JAKMIP1: variants seen among roughly 807,000 people sequenced by gnomAD.
JAKMIP1 encodes janus kinase and microtubule-interacting protein 1.
A neutral mutation model predicts 113.0 loss-of-function variants in JAKMIP1; 33 were observed. The ratio of observed to expected loss-of-function variants is 0.29; its 90% CI spans 0.22 to 0.39. JAKMIP1 has a LOEUF of 0.39. JAKMIP1 is among the 10% of genes least tolerant of loss of function. The pLI, the probability that JAKMIP1 is intolerant of heterozygous loss-of-function variation, is 1.00. For missense variants in JAKMIP1, 813 were observed against 1,080.5 expected, an observed-to-expected ratio of 0.75 and a Z score of 3.47; for synonymous variants, 480 against 459.9, an observed-to-expected ratio of 1.04 and a Z score of -0.56.
In JAKMIP1 at chr4:6,148,510, G is replaced by GAC. The variant is rs544445590; in HGVS notation, c.-147-35514_-147-35513insGT. Among the ~76,000 whole-genome samples the GAC allele has an allele frequency of 4.4e-3, 676 of 152,356 alleles. 2 individuals carry two copies. The highest frequency in any genetic ancestry group is 0.015 in the African/African-American group (638 of 41,572). On this transcript the variant is annotated intron_variant, in intron 1 of 20. Transcript: ENST00000409021. ...GAATCGGAATGCTTTGTGTGGGCAC[G>GAC]GACTCTGCGCCGGGCGCATCCTCCT...
In JAKMIP1 at chr4:6,044,827, G is replaced by A. The variant is rs1328796073; in HGVS notation, c.2029-2600C>T. On this transcript the variant is annotated intron_variant, in intron 16 of 20. Transcript: ENST00000409021. This position sits in a 1 kb window ranked among gnomAD's most constrained non-coding sequence, Gnocchi z 4.4. ...GCCATGAGGACCCCCGACCACGTGA[G>A]ATCAGAAATTTAATATCAAAGAGTT... is the stretch of plus-strand genomic sequence containing the variant. Among the ~76,000 whole-genome samples, 1 of 152,260 alleles carries A rather than the reference G, an allele frequency of 6.6e-6. No homozygotes were observed. Among genetic ancestry groups the A allele is most frequent in the Non-Finnish European group, 1.5e-5 (1 of 68,048 alleles).
intron 1 of JAKMIP1, among the ~76,000 whole-genome samples, chr4:6,171,747 CTCTCA>C (rs1489764572): frequency 2.6e-5 from 4 of 152,208 alleles, no homozygotes; most frequent in Non-Finnish European, 5.9e-5. Context: ...GACTGTGCTT[CTCTCA>C]TCTCAAATGC....
chr4:6,058,360 T>C (rs1022074422), intron 11 of JAKMIP1, among the ~76,000 whole-genome samples: 8 of 152,248 alleles, frequency 5.3e-5, no homozygotes, highest in Admixed American at 1.3e-4. Flanking sequence ...GCCCCTCCTA[T>C]GTAGCTGTTA....
chr4:6,132,117 T>C (rs1305758176), intron 1 of JAKMIP1, among the ~76,000 whole-genome samples: 1 of 152,116 alleles, frequency 6.6e-6, no homozygotes, highest in African/African-American at 2.4e-5. Context: ...ACAGCAACAG[T>C]GTAATTGATG....
chr4:6,060,643 C>T, intron 10 of JAKMIP1, 136 bp from the exon 11 acceptor site: 1 of 691,878 alleles, frequency 1.4e-6, no homozygotes. Context: ...CTTTTAGGAG[C>T]ACGTATTCAA....
chr4:6,032,258 C>T (rs1037271818), intron 19 of JAKMIP1, among the ~76,000 whole-genome samples: 3 of 152,180 alleles, frequency 2.0e-5, no homozygotes, highest in African/African-American at 7.2e-5. Context: ...TGAGAATCCC[C>T]CAGGAACAAC....
Position 6,026,279 on chromosome 4 carries a change from CTA to C in JAKMIP1, c.2446-3_2446-2del, listed in dbSNP as rs1298974243. 7.3e-7 allele frequency: 1 copy of C among 1,361,310 alleles called. No homozygotes were observed. Among genetic ancestry groups the C allele is most frequent in the Non-Finnish European group, 1.0e-6 (1 of 979,106 alleles). 84.3% of individuals were successfully genotyped at this position (1,361,310 alleles called of 1,614,324 possible). ...AGAAAAACAAAAAAAGGAACAAAAA[CTA>C]TAAAATAATACCAAAAGAAAATGAG... On this transcript the variant is annotated splice_acceptor_variant and splice_polypyrimidine_tract_variant and intron_variant, in intron 20 of 20. Transcript: ENST00000409021. LOFTEE classifies it high-confidence loss of function.
At position 6,184,625 on chromosome 4, in the gene JAKMIP1, T is replaced by G. The variant is rs1384471658; in HGVS notation, c.-148+15628A>C. ...GAAACAAGGGTCCCCCGCGCTCACC[T>G]GTAGATTCAGCAAGAGAGCAGGGGT... On this transcript the variant is annotated intron_variant, in intron 1 of 20. Coordinates refer to ENST00000409021, the MANE Select transcript of JAKMIP1 (RefSeq NM_001099433.2). This position sits in a 1 kb window ranked among gnomAD's most constrained non-coding sequence, Gnocchi z 4.5. 6.6e-6 allele frequency among the ~76,000 whole-genome samples: 1 copy of G among 152,178 alleles called. No homozygotes were observed. The highest frequency in any genetic ancestry group is 1.5e-5 in the Non-Finnish European group (1 of 68,032).
intron 10 of JAKMIP1, 144 bp downstream of exon 10, chr4:6,062,168 C>T (rs962574435): frequency 9.7e-6 from 8 of 826,542 alleles, no homozygotes; most frequent in South Asian, 3.1e-5. Context: ...AATGTCACCA[C>T]AGCAGAGACC....
intron 2 of JAKMIP1, among the ~76,000 whole-genome samples, chr4:6,110,580 G>C (rs1714760180): frequency 6.8e-6 from 1 of 147,734 alleles, no homozygotes; most frequent in Non-Finnish European, 1.5e-5. Flanking sequence ...TAAAGCACCT[G>C]GTGCTATCTG....
At chr4:6,103,945 T>C (rs1184172544) in intron 3 of JAKMIP1, among the ~76,000 whole-genome samples, 1 of 152,218 alleles carries the variant, frequency 6.6e-6, no homozygotes, top group Non-Finnish European at 1.5e-5. Context: ...GTTGATTTTC[T>C]TTATTGATTT....
chr4:6,056,397 G>A lies in JAKMIP1; in HGVS notation c.1707+300C>T, dbSNP rs149341710. On this transcript the variant is annotated intron_variant, in intron 12 of 20. Transcript: ENST00000409021. The stretch of plus-strand genomic sequence containing the variant: ...AGGGTATCCCCAGAGGTTGGGGCCA[G>A]CCCTCCCCATTTCTGCAGAGTGGCC... Among the ~76,000 whole-genome samples the A allele has an allele frequency of 2.6e-5, 4 of 152,316 alleles. No homozygotes were observed. The East Asian group carries it at 7.7e-4, about 29-fold the overall frequency.
At chr4:6,030,874 G>A (rs888890799) in intron 19 of JAKMIP1, among the ~76,000 whole-genome samples, 1 of 152,194 alleles carries the variant, frequency 6.6e-6, no homozygotes, top group African/African-American at 2.4e-5. Context: ...TTCTGCCTCA[G>A]CCCAGCTGGG....
chr4:6,155,275 G>A lies in JAKMIP1; in HGVS notation c.-147-42278C>T, dbSNP rs914953184. On this transcript the variant is annotated intron_variant, in intron 1 of 20. Transcript: ENST00000409021. This position sits in a 1 kb window ranked among gnomAD's most constrained non-coding sequence, Gnocchi z 6.1. ...CAACATTCCCTCCTCTGCGCTCAAC[G>A]CCTTTTAATACCAGCAACCACCACT... 6.6e-5 allele frequency among the ~76,000 whole-genome samples: 10 copies of A among 152,082 alleles called. No individual in the cohort carries two copies. The highest frequency in any genetic ancestry group is 2.1e-4 in the South Asian group (1 of 4,810).
intron 3 of JAKMIP1, among the ~76,000 whole-genome samples, chr4:6,099,379 C>T (rs531072503): frequency 8.5e-5 from 13 of 152,154 alleles, no homozygotes; most frequent in South Asian, 8.3e-4. Flanking sequence ...TCTGTGCCTC[C>T]TTGTGCTGCC....
rs1339121034 is a variant in JAKMIP1 at position 6,129,494 on chromosome 4, T to C, written c.-147-16497A>G. On this transcript the variant is annotated intron_variant, in intron 1 of 20. Transcript: ENST00000409021. The surrounding 1 kb of genome is among the most constrained non-coding windows in gnomAD (Gnocchi z 5.4). ...ACTGGTTAAACACATCACCCCATTA[T>C]CTGTTCAGCACAAGTTTGTGCCATG... 6.6e-6 allele frequency among the ~76,000 whole-genome samples: 1 copy of C among 152,116 alleles called. No individual in the cohort carries two copies. The highest frequency in any genetic ancestry group is 1.5e-5 in the Non-Finnish European group (1 of 68,020).
At chr4:6,127,268 G>C (rs571551695) in intron 1 of JAKMIP1, among the ~76,000 whole-genome samples, 1 of 152,326 alleles carries the variant, frequency 6.6e-6, no homozygotes, top group South Asian at 2.1e-4. Flanking sequence ...GGGGCAGCCA[G>C]GGCATAGGCT....
rs2108796375 is a variant in JAKMIP1 at position 6,067,251 on chromosome 4, C to T, written c.1303-2243G>A. Among the ~76,000 whole-genome samples the T allele has an allele frequency of 6.6e-6, 1 of 152,310 alleles. No homozygotes were observed. Among genetic ancestry groups the T allele is most frequent in the South Asian group, 2.1e-4 (1 of 4,826 alleles). On this transcript the variant is annotated intron_variant, in intron 8 of 20. Transcript: ENST00000409021. The surrounding 1 kb of genome is among the most constrained non-coding windows in gnomAD (Gnocchi z 4.6). Reference sequence around the variant, plus strand: ...TATCCCAGTGTTAATGAACTCAAAGCCACACTAGTTTGTCTATCCACAAAC... The same window carrying T: ...TATCCCAGTGTTAATGAACTCAAAGTCACACTAGTTTGTCTATCCACAAAC...
intron 3 of JAKMIP1, among the ~76,000 whole-genome samples, chr4:6,102,050 G>A (rs184747995): frequency 9.9e-5 from 15 of 152,228 alleles, no homozygotes; most frequent in African/African-American, 3.6e-4. Context: ...ATCTCCTTAA[G>A]TTTTTCTCAG....
Sources: allele counts gnomAD v4.1 joint callset (sites outside exome capture counted in the v4.1 genomes callset), GRCh38; gene constraint gnomAD v4.1.1; non-coding constraint Gnocchi (gnomAD v3.1); transcripts MANE v1.5; gene names NCBI Gene and HGNC (gene_info 2026-07-23, HGNC 2026-07-21).